ATP9B: variants seen among roughly 807,000 people sequenced by gnomAD.
ATP9B encodes ATPase phospholipid transporting 9B.
Under a neutral mutation model 146.1 loss-of-function variants are expected in ATP9B, and 110 were observed. That is an observed-to-expected ratio of 0.75 (90% CI 0.65 to 0.88). ATP9B has a LOEUF of 0.88. Ranked by LOEUF, ATP9B falls within the 40% of genes least tolerant of loss-of-function variation. The pLI is 0.00. For missense variants in ATP9B, 1,499 were observed against 1,496.4 expected (o/e 1.00, Z -0.03); for synonymous variants, 604 against 569.7 (o/e 1.06, Z -0.86).
chr18:79,224,197 T>G lies in ATP9B; in HGVS notation c.1107+10159T>G, dbSNP rs532829809. 2.0e-5 allele frequency among the ~76,000 whole-genome samples: 3 copies of G among 152,340 alleles called. No individual in the cohort carries two copies. The East Asian group carries it at 5.8e-4, about 29-fold the overall frequency. ...GAAGCAAGTATTTTCATAATTGTCTTTATTTTTTGAACTCCTTGATTCCTT... is the reference window on the plus strand; with the variant it reads ...GAAGCAAGTATTTTCATAATTGTCTGTATTTTTTGAACTCCTTGATTCCTT... On this transcript the variant is annotated intron_variant, in intron 11 of 29. Coordinates refer to ENST00000426216, the MANE Select transcript of ATP9B (RefSeq NM_198531.5).
Position 79,194,924 on chromosome 18 carries a change from A to G in ATP9B, c.954+1661A>G, listed in dbSNP as rs553044395. ...ATCCTGTGAATGACTTGGGTAAGTA[A>G]AGCTTTGGGACATTGAAGGGACTTG... is the stretch of plus-strand genomic sequence containing the variant. On this transcript the variant is annotated intron_variant, in intron 9 of 29. Coordinates refer to ENST00000426216, the MANE Select transcript of ATP9B (RefSeq NM_198531.5). Among the ~76,000 whole-genome samples the G allele has an allele frequency of 1.2e-4, 19 of 152,272 alleles. No individual in the cohort carries two copies. In the South Asian group the frequency reaches 2.5e-3, roughly 20 times the overall value.
intron 28 of ATP9B, among the ~76,000 whole-genome samples, chr18:79,374,951 G>A (rs1166819599): frequency 6.6e-6 from 1 of 152,262 alleles, no homozygotes; most frequent in African/African-American, 2.4e-5. Context: ...ACGACTTTGA[G>A]CCTCAGCTTT....
chr18:79,238,395 G>C (rs925394450), intron 11 of ATP9B, among the ~76,000 whole-genome samples: 1 of 152,190 alleles, frequency 6.6e-6, no homozygotes, highest in Admixed American at 6.5e-5. Flanking sequence ...CTCCGGTGCA[G>C]GCCAGGAACA....
chr18:79,325,684 G>A (rs547016582), intron 15 of ATP9B, among the ~76,000 whole-genome samples: 1 of 152,082 alleles, frequency 6.6e-6, no homozygotes, highest in Non-Finnish European at 1.5e-5. Flanking sequence ...TGGCACCTGG[G>A]CAGCCCTGAA....
At chr18:79,126,440 TAAC>T in intron 5 of ATP9B, 65 bp downstream of exon 5, 2 of 1,081,696 alleles carry the variant, frequency 1.8e-6, no homozygotes, top group Non-Finnish European at 2.7e-6. Context: ...AGAGTTAACA[TAAC>T]AAATGTATGA....
intron 2 of ATP9B, among the ~76,000 whole-genome samples, chr18:79,101,101 A>G (rs1271666072): frequency 6.6e-6 from 1 of 151,594 alleles, no homozygotes; most frequent in Non-Finnish European, 1.5e-5. Context: ...TTACCTTGGC[A>G]CAGTGTGTGT....
rs1192155749 is a variant in ATP9B at position 79,370,720 on chromosome 18, C to T, written c.3013-2105C>T. ...TAATATCATCTGCTTCAATATGGAACACCCCACAGGTGCAGGTCTGAGGTG... is the reference window on the plus strand; with the variant it reads ...TAATATCATCTGCTTCAATATGGAATACCCCACAGGTGCAGGTCTGAGGTG... On this transcript the variant is annotated intron_variant, in intron 26 of 29. Transcript: ENST00000426216. Among the ~76,000 whole-genome samples the T allele has an allele frequency of 2.6e-5, 4 of 152,120 alleles. No homozygotes were observed. In the East Asian group the frequency reaches 7.7e-4, roughly 29 times the overall value.
In ATP9B at chr18:79,359,415, C is replaced by G. The variant is rs1284482795; in HGVS notation, c.2965C>G (p.Pro989Ala). 6.2e-7 allele frequency: 1 copy of G among 1,614,026 alleles called. No homozygotes were observed. Among genetic ancestry groups the G allele is most frequent in the Non-Finnish European group, 8.5e-7 (1 of 1,179,940 alleles). Reference sequence around the variant, plus strand: ...CTTAGTGCTGGACCAGGACGTGAAGCCAGAGATGGCGATGCTCTACCCGGA... The same window carrying G: ...CTTAGTGCTGGACCAGGACGTGAAGGCAGAGATGGCGATGCTCTACCCGGA... ...FSLVLDQDVK[P>A]EMAMLYPELY... Residue 989 changes from proline to alanine, a missense_variant, in exon 26 of 30, where the codon CCA (proline) becomes GCA (alanine). Physicochemically the swap from Pro to Ala is conservative, Grantham distance 27. Transcript: ENST00000426216.
At position 79,118,390 on chromosome 18, in the gene ATP9B, G is replaced by GGTTTTTTTT. The variant is rs1555689295; in HGVS notation, c.558+5036_558+5037insGTTTTTTTT. Among the ~76,000 whole-genome samples the GGTTTTTTTT allele has an allele frequency of 2.3e-4, 21 of 93,278 alleles. 2 individuals are homozygous for GGTTTTTTTT. Among genetic ancestry groups the GGTTTTTTTT allele is most frequent in the Non-Finnish European group, 2.2e-4 (10 of 46,060 alleles). 61.2% of individuals were successfully genotyped at this position (93,278 alleles called of 152,430 possible). ...AAACACAATCATATTGAACGTTTTT[G>GGTTTTTTTT]TTTTTTTTTTTTTTTTTTTTTTTTT... On this transcript the variant is annotated intron_variant, in intron 4 of 29. Transcript: ENST00000426216.
chr18:79,154,533 T>C lies in ATP9B; in HGVS notation c.756T>C (p.Phe252=), dbSNP rs747524071. The change falls in exon 7 of 30, where the codon TTT becomes TTC. Residue 252 remains phenylalanine, a synonymous_variant. Transcript: ENST00000426216. ...KNQRIPSDMV[F]LRTSEKAGSC... is the part of the protein sequence containing the mutation. The stretch of plus-strand genomic sequence containing the variant: ...AAAGAATTCCATCGGACATGGTGTT[T>C]CTTAGGACTTCAGAAAAAGCAGGTA... The C allele has an allele frequency of 2.6e-5, 40 of 1,535,494 alleles. No individual in the cohort carries two copies. The highest frequency in any genetic ancestry group is 3.5e-5 in the Non-Finnish European group (40 of 1,149,404).
intron 15 of ATP9B, among the ~76,000 whole-genome samples, chr18:79,322,442 G>A (rs764006304): frequency 4.6e-5 from 7 of 152,186 alleles, no homozygotes; most frequent in Non-Finnish European, 7.3e-5. Flanking sequence ...CCGCACCCTC[G>A]GGGCACGGTC....
intron 17 of ATP9B, among the ~76,000 whole-genome samples, chr18:79,331,153 C>T (rs117306736): frequency 0.013 from 1,985 of 152,204 alleles, 27 homozygotes; most frequent in Non-Finnish European, 0.022. Context: ...GCCCTTTTTC[C>T]TGTGTGCGTG....
chr18:79,178,477 C>T (rs796329184), intron 8 of ATP9B, among the ~76,000 whole-genome samples: 5 of 152,258 alleles, frequency 3.3e-5, no homozygotes, highest in African/African-American at 1.2e-4. Flanking sequence ...CAAAAGCATT[C>T]CGCCTTGATG....
At chr18:79,090,375 T>C (rs896466399) in intron 1 of ATP9B, among the ~76,000 whole-genome samples, 9 of 152,238 alleles carry the variant, frequency 5.9e-5, no homozygotes, top group African/African-American at 2.2e-4. Flanking sequence ...ATTGTACTAA[T>C]TTACATTCCC....
intron 19 of ATP9B, 85 bp from the exon 20 acceptor site, chr18:79,342,183 T>A: frequency 9.3e-7 from 1 of 1,074,562 alleles, no homozygotes; most frequent in South Asian, 1.3e-5. Flanking sequence ...TGCTTCCACC[T>A]TTTGGCTGTT....
At chr18:79,147,207 T>A (rs2094605485) in intron 6 of ATP9B, among the ~76,000 whole-genome samples, 1 of 151,894 alleles carries the variant, frequency 6.6e-6, no homozygotes, top group South Asian at 2.1e-4. Flanking sequence ...AATTCGTGAA[T>A]CAACAAGTGT....
At chr18:79,204,196 G>A (rs986882586) in intron 9 of ATP9B, among the ~76,000 whole-genome samples, 3 of 152,114 alleles carry the variant, frequency 2.0e-5, no homozygotes, top group Non-Finnish European at 4.4e-5. Context: ...ATTTTCTGTG[G>A]AAAAAACAAG....
chr18:79,174,133 A>T (rs2095123037), intron 7 of ATP9B: 1 of 396,628 alleles, frequency 2.5e-6, no homozygotes, highest in Non-Finnish European at 4.9e-6. Context: ...GAAAGAGTAC[A>T]TCTGCTCTAT....
chr18:79,204,213 G>A (rs2095514498), intron 9 of ATP9B, among the ~76,000 whole-genome samples: 1 of 152,172 alleles, frequency 6.6e-6, no homozygotes, highest in Non-Finnish European at 1.5e-5. Flanking sequence ...CAAGAACAGT[G>A]TTGGAAAATT....
Sources: gnomAD v4.1 joint callset for allele counts (sites outside exome capture counted in the v4.1 genomes callset) on GRCh38, gnomAD v4.1.1 for gene constraint, MANE v1.5 for transcripts, NCBI Gene and HGNC (gene_info 2026-07-23, HGNC 2026-07-21) for gene names.